ACER3: variants seen among roughly 807,000 people sequenced by gnomAD.
ACER3 encodes alkaline ceramidase 3.
In ACER3, 16 loss-of-function variants were observed where a neutral mutation model predicts 48.9. That is an observed-to-expected ratio of 0.33 (90% CI 0.22 to 0.50). ACER3 has a LOEUF of 0.50. ACER3 is among the 20% of genes least tolerant of loss of function. The probability of loss-of-function intolerance (pLI) is 0.98; values close to 1 mark genes in which losing one functional copy is unlikely to be tolerated. For synonymous variants in ACER3, 109 were observed against 107.8 expected (o/e 1.01, Z -0.07); for missense variants, 227 against 326.0 (o/e 0.70, Z 2.34).
rs531478126 is a variant in ACER3, at chr11:76,937,341, G to A, written c.214+10674G>A. Among the ~76,000 whole-genome samples the A allele has an allele frequency of 1.0e-3, 158 of 152,276 alleles. 1 individual carries two copies. The highest frequency in any genetic ancestry group is 3.6e-3 in the African/African-American group (149 of 41,550). Reference sequence around the variant, plus strand: ...TCTGACAACTATATATGCATTTATCGTTTGACCCAACAATCACACTTCTAA... The same window carrying A: ...TCTGACAACTATATATGCATTTATCATTTGACCCAACAATCACACTTCTAA... On this transcript the variant is annotated intron_variant, in intron 2 of 10. Transcript: ENST00000532485.
At chr11:76,878,590 C>A (rs562557703) in intron 1 of ACER3, among the ~76,000 whole-genome samples, 2 of 152,160 alleles carry the variant, frequency 1.3e-5, no homozygotes, top group East Asian at 3.9e-4. Context: ...TTGACAGATA[C>A]CTGGGCTGTT....
intron 1 of ACER3, among the ~76,000 whole-genome samples, chr11:76,862,184 A>G (rs1237653942): frequency 6.6e-6 from 1 of 152,038 alleles, no homozygotes; most frequent in Non-Finnish European, 1.5e-5. Flanking sequence ...CTCATTGTTG[A>G]GTCCTGTTCT....
chr11:76,864,006 T>C (rs959967074), intron 1 of ACER3, among the ~76,000 whole-genome samples: 5 of 152,190 alleles, frequency 3.3e-5, no homozygotes, highest in South Asian at 4.1e-4. Flanking sequence ...ACAGGACAAA[T>C]TGAACAACTA....
intron 4 of ACER3, among the ~76,000 whole-genome samples, chr11:76,980,957 TAAGAAATAGTCCTTTTACCTC>T: frequency 6.6e-6 from 1 of 152,288 alleles, no homozygotes; most frequent in East Asian, 1.9e-4. Flanking sequence ...GGAAATTAAG[TAAGAAATAGTCCTTTTACCTC>T]AAGAAATTTG....
intron 1 of ACER3, among the ~76,000 whole-genome samples, chr11:76,912,302 G>A (rs1477044566): frequency 4.6e-5 from 7 of 152,086 alleles, no homozygotes; most frequent in African/African-American, 1.2e-4. Flanking sequence ...TCCTTCAGGG[G>A]CTCTAGAAGG....
intron 1 of ACER3, among the ~76,000 whole-genome samples, chr11:76,896,974 T>C (rs1296453840): frequency 2.6e-5 from 4 of 152,136 alleles, no homozygotes; most frequent in African/African-American, 7.2e-5. Context: ...CTGTTTGTTT[T>C]TGAGACAGAG....
At chr11:76,861,300 G>C (rs1361472456) in intron 1 of ACER3, among the ~76,000 whole-genome samples, 1 of 141,120 alleles carries the variant, frequency 7.1e-6, no homozygotes, top group Non-Finnish European at 1.6e-5. Context: ...GAGGAAGGGG[G>C]CCTGAGGATT....
At chr11:77,004,857 G>T (rs962049636) in intron 7 of ACER3, among the ~76,000 whole-genome samples, 4 of 152,016 alleles carry the variant, frequency 2.6e-5, no homozygotes, top group Admixed American at 1.3e-4. Flanking sequence ...ATCAGTTTGA[G>T]TCATGTTTTT....
At chr11:76,885,333 G>A (rs1279027874) in intron 1 of ACER3, among the ~76,000 whole-genome samples, 7 of 152,012 alleles carry the variant, frequency 4.6e-5, no homozygotes, top group Admixed American at 3.9e-4. Context: ...TGCAGAACAT[G>A]CAGGTTTATT....
chr11:76,874,421 C>CT (rs1945317735), intron 1 of ACER3, among the ~76,000 whole-genome samples: 1 of 147,172 alleles, frequency 6.8e-6, no homozygotes, highest in Non-Finnish European at 1.5e-5. Flanking sequence ...AAAAACAAAA[C>CT]TAACCCATGC....
intron 2 of ACER3, among the ~76,000 whole-genome samples, chr11:76,949,075 A>AAT (rs1381754308): frequency 2.1e-5 from 2 of 94,514 alleles, no homozygotes; most frequent in Non-Finnish European, 6.5e-5. Context: ...AGTCAAAATA[A>AAT]ATGTGTATCG....
At chr11:77,008,003 C>T (rs1949188819) in intron 7 of ACER3, among the ~76,000 whole-genome samples, 1 of 152,156 alleles carries the variant, frequency 6.6e-6, no homozygotes, top group Non-Finnish European at 1.5e-5. Context: ...ACATTGTATA[C>T]ATATGTCAAA....
rs533173444 is a variant in ACER3, at chr11:76,939,596, T to C, written c.214+12929T>C. Among the ~76,000 whole-genome samples, 39 of 152,182 alleles carry C rather than the reference T, an allele frequency of 2.6e-4. No individual in the cohort carries two copies. In the South Asian group the frequency reaches 6.2e-3, roughly 24 times the overall value. Reference sequence around the variant, plus strand: ...GGGTGACAGAGTGAGATGCTATCTCTAAAAACAAACAAACAAAAACAAAGG... The same window carrying C: ...GGGTGACAGAGTGAGATGCTATCTCCAAAAACAAACAAACAAAAACAAAGG... On this transcript the variant is annotated intron_variant, in intron 2 of 10. Coordinates refer to ENST00000532485, the MANE Select transcript of ACER3 (RefSeq NM_018367.7).
chr11:76,967,015 A>G (rs962917689), intron 3 of ACER3, among the ~76,000 whole-genome samples: 14 of 152,240 alleles, frequency 9.2e-5, no homozygotes, highest in African/African-American at 3.1e-4. Context: ...CAAAGAATCC[A>G]GGAGCTGGTT....
chr11:76,865,471 G>A (rs900480434), intron 1 of ACER3, among the ~76,000 whole-genome samples: 1 of 150,728 alleles, frequency 6.6e-6, no homozygotes, highest in Non-Finnish European at 1.5e-5. Context: ...CATTTACGTT[G>A]ATAAGTTTGC....
intron 2 of ACER3, among the ~76,000 whole-genome samples, chr11:76,931,424 G>T (rs1177479060): frequency 6.6e-6 from 1 of 150,976 alleles, no homozygotes; most frequent in Non-Finnish European, 1.5e-5. Flanking sequence ...TATCCAATTT[G>T]CCAGCCTGTG....
rs1234516239 is a variant in ACER3 at position 77,024,892 on chromosome 11, G to T, written c.*4565G>T. 2 of 152,146 alleles carry T rather than the reference G, an allele frequency of 1.3e-5. No homozygotes were observed. Among genetic ancestry groups the T allele is most frequent in the Non-Finnish European group, 2.9e-5 (2 of 68,032 alleles). 9.4% of individuals were successfully genotyped at this position (152,146 alleles called of 1,614,324 possible). On this transcript the variant is annotated 3_prime_UTR_variant, in exon 11 of 11. Transcript: ENST00000532485. ...CCTAAAATGCAAATCAAGAAATTCA[G>T]TTACAGGCTGCAAGTGACCTAAAAT...
chr11:76,870,857 TAC>T (rs1945224741), intron 1 of ACER3, among the ~76,000 whole-genome samples: 1 of 152,234 alleles, frequency 6.6e-6, no homozygotes, highest in African/African-American at 2.4e-5. Flanking sequence ...ATATTTTCAT[TAC>T]AGTCTTCTTG....
rs1945125028 is a variant in ACER3, at chr11:76,867,493, AAAAAG to A, written c.103+6418_103+6422del. Reference sequence around the variant, plus strand: ...CAAAAAAAAAAAAAAAAAAAAAAAAAAAAAGAAAGAAAAGTAGCTGAGAGGGCAGC... The same window carrying A: ...CAAAAAAAAAAAAAAAAAAAAAAAAAAAAGAAAAGTAGCTGAGAGGGCAGC... On this transcript the variant is annotated intron_variant, in intron 1 of 10. Coordinates refer to ENST00000532485, the MANE Select transcript of ACER3 (RefSeq NM_018367.7). Among the ~76,000 whole-genome samples the A allele has an allele frequency of 2.1e-4, 9 of 43,766 alleles. 1 individual carries two copies. The highest frequency in any genetic ancestry group is 8.8e-4 in the South Asian group (1 of 1,138). 28.7% of individuals were successfully genotyped at this position (43,766 alleles called of 152,430 possible).
Sources: gnomAD v4.1 joint callset for allele counts (sites outside exome capture counted in the v4.1 genomes callset) on GRCh38, gnomAD v4.1.1 for gene constraint, MANE v1.5 for transcripts, NCBI Gene and HGNC (gene_info 2026-07-23, HGNC 2026-07-21) for gene names.